Variants in CRY1 observed in about 807,000 individuals in gnomAD.
The protein encoded by CRY1 is cryptochrome-1.
CRY1 carries 45 observed loss-of-function variants against 76.0 expected under a neutral mutation model. That is an observed-to-expected ratio of 0.59 (90% CI 0.47 to 0.76). The LOEUF is 0.76. Ranked by LOEUF, CRY1 falls within the 30% of genes least tolerant of loss-of-function variation. The pLI is 0.00. For synonymous variants in CRY1, 248 were observed against 244.0 expected (o/e 1.02, Z -0.15); for missense variants, 587 against 716.4 (o/e 0.82, Z 2.06).
intron 1 of CRY1, among the ~76,000 whole-genome samples, chr12:107,092,282 A>G (rs1485266616): frequency 6.6e-6 from 1 of 152,224 alleles, no homozygotes; most frequent in Non-Finnish European, 1.5e-5. Flanking sequence ...GGAGTTGAGA[A>G]AAAGAACCGA....
At chr12:107,014,620 A>G (rs1265707956) in intron 2 of CRY1, among the ~76,000 whole-genome samples, 1 of 151,306 alleles carries the variant, frequency 6.6e-6, no homozygotes, top group Non-Finnish European at 1.5e-5. Context: ...TTCTTTTTCT[A>G]TCTTTAAGGT....
intron 1 of CRY1, among the ~76,000 whole-genome samples, chr12:107,041,699 A>G (rs1439648156): frequency 1.4e-5 from 2 of 145,904 alleles, no homozygotes; most frequent in Non-Finnish European, 3.0e-5. Flanking sequence ...AAGCAAATGG[A>G]GGAGCTATAT....
At chr12:106,995,618 T>C (rs571290125) in intron 10 of CRY1, among the ~76,000 whole-genome samples, 1 of 152,296 alleles carries the variant, frequency 6.6e-6, no homozygotes, top group South Asian at 2.1e-4. Context: ...TGCTCTTTTA[T>C]CACATGTATA....
chr12:107,049,472 T>G (rs1012368212), intron 1 of CRY1, among the ~76,000 whole-genome samples: 5 of 152,002 alleles, frequency 3.3e-5, no homozygotes, highest in African/African-American at 7.3e-5. Flanking sequence ...CCTCCTGGGG[T>G]CAAGTGATTC....
chr12:107,088,333 T>C (rs2136904234), intron 1 of CRY1, among the ~76,000 whole-genome samples: 1 of 152,278 alleles, frequency 6.6e-6, no homozygotes, highest in South Asian at 2.1e-4. Flanking sequence ...CACTTCCCCT[T>C]CCATCATGAT....
In CRY1 at chr12:106,997,675, G is replaced by A. The variant is rs779655669; in HGVS notation, c.1305C>T (p.Val435=). Residue 435 remains valine, a synonymous_variant, in exon 9 of 13, where the codon GTC becomes GTT. Coordinates refer to ENST00000008527, the MANE Select transcript of CRY1 (RefSeq NM_004075.5). ...NGDYIRRYLP[V]LRGFPAKYIY... The stretch of plus-strand genomic sequence containing the variant: ...TATATTTTGCAGGGAAGCCTCTTAG[G>A]ACAGGCAAATAACGCCTTTGGGAGA... The A allele has an allele frequency of 6.2e-7, 1 of 1,613,970 alleles. No homozygotes were observed. Among genetic ancestry groups the A allele is most frequent in the Admixed American group, 1.7e-5 (1 of 60,002 alleles).
chr12:107,048,167 G>GC (rs1227841736), intron 1 of CRY1, among the ~76,000 whole-genome samples: 5 of 151,272 alleles, frequency 3.3e-5, no homozygotes, highest in Non-Finnish European at 7.4e-5. Context: ...TGCAACCTCC[G>GC]CCCCCTGGGT....
At chr12:107,023,436 A>T (rs1952578755) in intron 1 of CRY1, among the ~76,000 whole-genome samples, 2 of 152,190 alleles carry the variant, frequency 1.3e-5, no homozygotes, top group African/African-American at 4.8e-5. Flanking sequence ...GCTACAGAAC[A>T]TTTCCATCAT....
intron 9 of CRY1, 38 bp from the exon 10 acceptor site, chr12:106,997,424 A>C (rs774598222): frequency 6.2e-7 from 1 of 1,612,040 alleles, no homozygotes; most frequent in African/African-American, 1.3e-5. Flanking sequence ...ATTATGATCA[A>C]GATAAAATTC....
At chr12:106,997,153 T>C (rs1039677241) in intron 10 of CRY1, 141 bp downstream of exon 10, 23 of 725,788 alleles carry the variant, frequency 3.2e-5, no homozygotes, top group Non-Finnish European at 4.5e-5. Flanking sequence ...TGGGTGCACA[T>C]GTATGCATGC....
At chr12:107,015,600 A>C (rs764289035) in intron 2 of CRY1, among the ~76,000 whole-genome samples, 22 of 152,220 alleles carry the variant, frequency 1.4e-4, no homozygotes, top group Non-Finnish European at 2.8e-4. Flanking sequence ...AGCAACACGT[A>C]GTTACCTTTG....
chr12:107,034,167 C>T (rs971534671), intron 1 of CRY1, among the ~76,000 whole-genome samples: 8 of 151,996 alleles, frequency 5.3e-5, no homozygotes, highest in South Asian at 2.1e-4. Flanking sequence ...AAGATGGAGA[C>T]GAAAGTGACC....
At chr12:107,072,287 C>T (rs186675789) in intron 1 of CRY1, among the ~76,000 whole-genome samples, 14 of 152,264 alleles carry the variant, frequency 9.2e-5, no homozygotes, top group African/African-American at 3.4e-4. Context: ...CAAAGCTTAG[C>T]TCAGGTATCA....
Position 107,022,077 on chromosome 12 carries a change from A to G in CRY1, c.267+7T>C. ...AGATTGTTTTATGCAAATATTTTTC[A>G]AATTACCTTGAAAAGCCTGGGAAAC... On this transcript the variant is annotated splice_region_variant and intron_variant, in intron 2 of 12. Coordinates refer to ENST00000008527, the MANE Select transcript of CRY1 (RefSeq NM_004075.5). 6.3e-7 allele frequency: 1 copy of G among 1,585,848 alleles called. No homozygotes were observed. Among genetic ancestry groups the G allele is most frequent in the Non-Finnish European group, 8.6e-7 (1 of 1,161,596 alleles).
At chr12:107,000,344 ATC>A (rs200765352) in intron 5 of CRY1, among the ~76,000 whole-genome samples, 1 of 151,546 alleles carries the variant, frequency 6.6e-6, no homozygotes, top group Admixed American at 6.6e-5. Context: ...AGCACCTTCA[ATC>A]TCTCTCTCTT....
At chr12:106,995,039 A>G (rs1028702532) in intron 10 of CRY1, among the ~76,000 whole-genome samples, 3 of 152,244 alleles carry the variant, frequency 2.0e-5, no homozygotes, top group Non-Finnish European at 4.4e-5. Context: ...TTTGCAGAGG[A>G]GGCCCAATGA....
intron 1 of CRY1, among the ~76,000 whole-genome samples, chr12:107,066,733 G>A (rs1260452747): frequency 6.6e-6 from 1 of 151,594 alleles, no homozygotes; most frequent in African/African-American, 2.4e-5. Context: ...CAAATTGTTA[G>A]GATTACAGGC....
At chr12:107,070,822 T>G (rs745312795) in intron 1 of CRY1, among the ~76,000 whole-genome samples, 8 of 150,778 alleles carry the variant, frequency 5.3e-5, no homozygotes, top group Non-Finnish European at 1.2e-4. Context: ...TGCCTCAGCC[T>G]CCTGAGTAGC....
intron 1 of CRY1, 44 bp from the exon 2 acceptor site, chr12:107,022,236 T>G: frequency 4.3e-6 from 5 of 1,163,744 alleles, no homozygotes; most frequent in Non-Finnish European, 6.0e-6. Context: ...AAAATACATA[T>G]TTAGAAGACA....
Sources: gnomAD v4.1 joint callset for allele counts (sites outside exome capture counted in the v4.1 genomes callset) on GRCh38, gnomAD v4.1.1 for gene constraint, MANE v1.5 for transcripts, NCBI Gene and HGNC (gene_info 2026-07-23, HGNC 2026-07-21) for gene names.